The following SPP1 variants were observed in gnomAD, a reference collection of about 807,000 sequenced individuals.
The protein encoded by SPP1 is osteopontin.
SPP1 carries 18 observed loss-of-function variants against 20.8 expected under a neutral mutation model. The ratio of observed to expected loss-of-function variants is 0.87; its 90% CI spans 0.60 to 1.29. The LOEUF is 1.29. Among genes scored for constraint, SPP1 ranks in the 50% most tolerant of loss-of-function variants. The pLI, the probability that SPP1 is intolerant of heterozygous loss-of-function variation, is 0.00. For synonymous variants in SPP1, 146 were observed against 141.5 expected (o/e 1.03, Z -0.23); for missense variants, 363 against 389.0 (o/e 0.93, Z 0.56).
In SPP1 at chr4:87,982,743, G is replaced by T. The variant is rs763148301; in HGVS notation, c.792G>T (p.Gln264His). The T allele has an allele frequency of 6.2e-7, 1 of 1,614,150 alleles. No individual in the cohort carries two copies. Among genetic ancestry groups the T allele is most frequent in the Non-Finnish European group, 8.5e-7 (1 of 1,180,022 alleles). ...SNEHSDVIDS[Q>H]ELSKVSREFH... Reference sequence around the variant, plus strand: ...AGCATTCCGATGTGATTGATAGTCAGGAACTTTCCAAAGTCAGCCGTGAAT... The same window carrying T: ...AGCATTCCGATGTGATTGATAGTCATGAACTTTCCAAAGTCAGCCGTGAAT... The change falls in exon 7 of 7, where the codon CAG (glutamine) becomes CAT (histidine). Residue 264 changes from glutamine to histidine, a missense_variant. By Grantham distance (24) the Gln-to-His change is conservative (BLOSUM62 0). Transcript: ENST00000395080.
chr4:87,980,326 G>A (rs201821245), intron 4 of SPP1, 67 bp from the exon 5 acceptor site: 2 of 1,596,930 alleles, frequency 1.3e-6, no homozygotes, highest in Non-Finnish European at 1.7e-6. Flanking sequence ...GGATTAAAAA[G>A]GTTAACTTTT....
chr4:87,981,827 G>T, intron 6 of SPP1, 29 bp downstream of exon 6: 1 of 1,592,070 alleles, frequency 6.3e-7, no homozygotes, highest in African/African-American at 1.3e-5. Flanking sequence ...ACACCTGATG[G>T]TTCTGACTAG....
intron 1 of SPP1, among the ~76,000 whole-genome samples, chr4:87,976,098 A>G (rs997119057): frequency 6.6e-6 from 1 of 152,248 alleles, no homozygotes; most frequent in African/African-American, 2.4e-5. Flanking sequence ...AATTATACCT[A>G]TATAATTTTC....
At chr4:87,976,826 G>A in intron 1 of SPP1, 56 bp from the exon 2 acceptor site, 1 of 1,200,484 alleles carries the variant, frequency 8.3e-7, no homozygotes, top group Non-Finnish European at 1.2e-6. Context: ...GTATAAAAAG[G>A]TATCACTGTT....
intron 6 of SPP1, 46 bp from the exon 7 acceptor site, chr4:87,982,446 T>A (rs750975733): frequency 1.3e-6 from 2 of 1,581,236 alleles, no homozygotes; most frequent in Non-Finnish European, 1.7e-6. Flanking sequence ...CATATTCCCA[T>A]CCCTAGCCGT....
At position 87,976,909 on chromosome 4, in the gene SPP1, T is replaced by C; in HGVS notation, c.14T>C (p.Val5Ala). MRIA[V>A]ICFCLLGITC... ...AAACTCACTACCATGAGAATTGCAG[T>C]GATTTGCTTTTGCCTCCTAGGCATC... Residue 5 changes from valine to alanine, a missense_variant, in exon 2 of 7, where the codon GTG becomes GCG. Physicochemically the swap from Val to Ala is moderately conservative, Grantham distance 64. Transcript: ENST00000395080. 1 of 1,613,528 alleles carries C rather than the reference T, an allele frequency of 6.2e-7. No individual in the cohort carries two copies. Among genetic ancestry groups the C allele is most frequent in the African/African-American group, 1.3e-5 (1 of 75,074 alleles).
intron 6 of SPP1, 143 bp downstream of exon 6, chr4:87,981,941 A>T (rs1236647703): frequency 1.3e-6 from 1 of 756,380 alleles, no homozygotes; most frequent in Non-Finnish European, 2.1e-6. Flanking sequence ...ATGACCATTG[A>T]ATACAAATCT....
At chr4:87,978,254 A>T (rs1411048372) in intron 3 of SPP1, among the ~76,000 whole-genome samples, 1 of 152,150 alleles carries the variant, frequency 6.6e-6, no homozygotes, top group Non-Finnish European at 1.5e-5. Flanking sequence ...ATTAGTTTTT[A>T]AAAATTATAA....
At chr4:87,977,960 G>T in intron 3 of SPP1, 1 of 676,816 alleles carries the variant, frequency 1.5e-6, no homozygotes, top group Middle Eastern at 5.5e-4. Context: ...AACATCTCCA[G>T]AGAAGATAGA....
chr4:87,977,785 A>C lies in SPP1; in HGVS notation c.93+688A>C, dbSNP rs1460094794. On this transcript the variant is annotated intron_variant, in intron 3 of 6. Transcript: ENST00000395080. ...AGTTCAATTCCAGTTGAACAGAATA[A>C]AGGCCAAAATAGAGCTGCCTTGGGG... The C allele has an allele frequency of 3.1e-6, 4 of 1,286,556 alleles. No homozygotes were observed. In the East Asian group the frequency reaches 2.2e-4, roughly 72 times the overall value. The allele number at this position is 1,286,556 out of a possible 1,614,324, so 79.7% of individuals were successfully genotyped here.
At chr4:87,982,081 T>TA (rs35661138) in intron 6 of SPP1, among the ~76,000 whole-genome samples, 62 of 152,022 alleles carry the variant, frequency 4.1e-4, no homozygotes, top group African/African-American at 1.4e-3. Context: ...ACCAATTATT[T>TA]AAAAAAAATA....
chr4:87,982,963 A>G lies in SPP1; in HGVS notation c.*67A>G. On this transcript the variant is annotated 3_prime_UTR_variant, in exon 7 of 7. Transcript: ENST00000395080. Reference sequence around the variant, plus strand: ...AGAAAAAATGCTTTATAGCAAAATGAAAGAGAACATGAAATGCTTCTTTCT... The same window carrying G: ...AGAAAAAATGCTTTATAGCAAAATGGAAGAGAACATGAAATGCTTCTTTCT... The G allele has an allele frequency of 7.0e-7, 1 of 1,421,390 alleles. No individual in the cohort carries two copies. The highest frequency in any genetic ancestry group is 9.4e-7 in the Non-Finnish European group (1 of 1,058,276). 88.0% of individuals were successfully genotyped at this position (1,421,390 alleles called of 1,614,324 possible). A position where few individuals can be genotyped will look rare whatever the true frequency, so the allele number is the denominator to read the frequency against.
At chr4:87,979,915 A>AC in intron 3 of SPP1, 131 bp from the exon 4 acceptor site, 1 of 828,356 alleles carries the variant, frequency 1.2e-6, no homozygotes, top group Non-Finnish European at 1.8e-6. Context: ...AAAAAAAAAA[A>AC]AATTACAAAA....
intron 3 of SPP1, chr4:87,977,860 G>T: frequency 8.1e-7 from 1 of 1,235,688 alleles, no homozygotes; most frequent in East Asian, 6.1e-5. Flanking sequence ...AGTATTCTGT[G>T]TTCGTTTGTG....
At chr4:87,981,841 T>C in intron 6 of SPP1, 43 bp downstream of exon 6, 6 of 1,560,846 alleles carry the variant, frequency 3.8e-6, no homozygotes, top group Non-Finnish European at 4.4e-6. Context: ...TGACTAGCGC[T>C]CAAGTCTAGG....
rs115726760 is a variant in SPP1, at chr4:87,976,034, C to T, written c.-15+234C>T. ...TACTTCCACTGGGTCCTCAAAAGAA[C>T]GGAAACCACCGATGCTAATCAGAAA... is the stretch of plus-strand genomic sequence containing the variant. On this transcript the variant is annotated intron_variant, in intron 1 of 6. Transcript: ENST00000395080. Among the ~76,000 whole-genome samples the T allele has an allele frequency of 9.7e-3, 1,479 of 152,174 alleles. 26 individuals are homozygous for T. The highest frequency in any genetic ancestry group is 0.034 in the African/African-American group (1,416 of 41,516).
rs372832413 is a variant in SPP1 at position 87,981,572 on chromosome 4, C to G, written c.314C>G (p.Ser105Trp). Residue 105 changes from serine to tryptophan, a missense_variant, in exon 6 of 7, where the codon TCG becomes TGG. Ser to Trp is a radical substitution (Grantham distance 177). Transcript: ENST00000395080. ...GTGGACAGCCAGGACTCCATTGACT[C>G]GAACGACTCTGATGATGTAGATGAC... Reference protein sequence around the residue: ...DHVDSQDSIDSNDSDDVDDTD... With the variant: ...DHVDSQDSIDWNDSDDVDDTD... 2 of 1,614,050 alleles carry G rather than the reference C, an allele frequency of 1.2e-6. No homozygotes were observed. Among genetic ancestry groups the G allele is most frequent in the Non-Finnish European group, 1.7e-6 (2 of 1,179,982 alleles).
intron 3 of SPP1, chr4:87,977,614 A>G: frequency 1.8e-6 from 2 of 1,084,240 alleles, no homozygotes; most frequent in Non-Finnish European, 2.3e-6. Context: ...CACATTTTCT[A>G]ACCAAACATA....
At chr4:87,977,270 T>G (rs1725417779) in intron 3 of SPP1, among the ~76,000 whole-genome samples, 173 bp downstream of exon 3, 1 of 152,224 alleles carries the variant, frequency 6.6e-6, no homozygotes, top group South Asian at 2.1e-4. Flanking sequence ...CAGTATAGTT[T>G]TTAATAAATA....
Sources: allele counts gnomAD v4.1 joint callset (sites outside exome capture counted in the v4.1 genomes callset), GRCh38; gene constraint gnomAD v4.1.1; transcripts MANE v1.5; gene names NCBI Gene and HGNC (gene_info 2026-07-23, HGNC 2026-07-21).